The following GNG2 variants were observed in gnomAD, a reference collection of about 807,000 sequenced individuals.
GNG2 encodes the protein G protein subunit gamma 2, also known as guanine nucleotide-binding protein G(I)/G(S)/G(O) subunit gamma-2.
GNG2 carries 5 observed loss-of-function variants against 5.5 expected under a neutral mutation model. The observed-to-expected ratio is 0.91, with a 90% CI of 0.48 to 1.92. The LOEUF (loss-of-function observed/expected upper bound fraction) is 1.92, where lower values mean the gene tolerates loss of function less well. Among genes scored for constraint, GNG2 ranks in the 30% most tolerant of loss-of-function variants. The probability of loss-of-function intolerance (pLI) is 0.01; values close to 1 mark genes in which losing one functional copy is unlikely to be tolerated. For missense variants in GNG2, 55 were observed against 88.4 expected (o/e 0.62, Z 1.52); for synonymous variants, 28 against 32.0 (o/e 0.88, Z 0.42).
intron 2 of GNG2, among the ~76,000 whole-genome samples, chr14:51,904,036 AG>A (rs1273191823): frequency 1.1e-4 from 16 of 152,154 alleles, no homozygotes; most frequent in African/African-American, 3.9e-4. Context: ...ATCTCAGGAG[AG>A]CTAGAGAATC....
In GNG2 at chr14:51,969,688, AAG is replaced by A. The variant is rs1890112007; in HGVS notation, c.*3007_*3008del. The A allele has an allele frequency of 6.6e-6, 1 of 152,196 alleles. No homozygotes were observed. Among genetic ancestry groups the A allele is most frequent in the Non-Finnish European group, 1.5e-5 (1 of 68,036 alleles). The allele number at this position is 152,196 out of a possible 1,614,324, so 9.4% of individuals were successfully genotyped here. On this transcript the variant is annotated 3_prime_UTR_variant, in exon 4 of 4. Transcript: ENST00000556766. ...TAAGATCTGTGGAGTGTGTGTTTCAAAGAGAGAACTACAGAAATGTTAAAGCA... is the reference window on the plus strand; with the variant it reads ...TAAGATCTGTGGAGTGTGTGTTTCAAAGAGAACTACAGAAATGTTAAAGCA...
chr14:51,877,550 C>T, intron 1 of GNG2, 67 bp from the exon 2 acceptor site: 1 of 450,132 alleles, frequency 2.2e-6, no homozygotes, highest in Non-Finnish European at 4.5e-6. Flanking sequence ...TTCTACTTAT[C>T]CAGCTCTTGT....
At chr14:51,843,813 A>C (rs1400395268) in intron 2 of GNG2, among the ~76,000 whole-genome samples, 1 of 151,832 alleles carries the variant, frequency 6.6e-6, no homozygotes, top group Non-Finnish European at 1.5e-5. Context: ...AGTCCACCCC[A>C]CCCACACAGC....
intron 1 of GNG2, chr14:51,826,282 T>C (rs1019761135): frequency 6.6e-6 from 1 of 152,130 alleles, no homozygotes; most frequent in Non-Finnish European, 1.5e-5. Context: ...CAAAAATATA[T>C]ATTAAATAAA....
At chr14:51,926,560 T>C (rs1254564026) in intron 2 of GNG2, among the ~76,000 whole-genome samples, 2 of 152,150 alleles carry the variant, frequency 1.3e-5, no homozygotes, top group Non-Finnish European at 2.9e-5. Context: ...TGCCTTCTCA[T>C]GTTGAGACAG....
intron 3 of GNG2, among the ~76,000 whole-genome samples, chr14:51,951,006 G>A (rs1195092401): frequency 6.6e-6 from 1 of 152,026 alleles, no homozygotes; most frequent in Non-Finnish European, 1.5e-5. Context: ...AGCAAAACAG[G>A]CTCATGGTTA....
chr14:51,889,708 A>G (rs1884718956), intron 2 of GNG2, among the ~76,000 whole-genome samples: 1 of 152,228 alleles, frequency 6.6e-6, no homozygotes, highest in South Asian at 2.1e-4. Context: ...GTTGAGCACA[A>G]TGTAGAACTT....
intron 2 of GNG2, among the ~76,000 whole-genome samples, chr14:51,935,925 T>G (rs1279357643): frequency 6.6e-6 from 1 of 152,180 alleles, no homozygotes; most frequent in Non-Finnish European, 1.5e-5. Flanking sequence ...ATCAGAGTCA[T>G]GGTTCAGTGG....
intron 2 of GNG2, among the ~76,000 whole-genome samples, chr14:51,895,262 A>G (rs1044556623): frequency 1.3e-5 from 2 of 152,370 alleles, no homozygotes. Flanking sequence ...ATAAACATGT[A>G]TAAATAATGC....
intron 3 of GNG2, among the ~76,000 whole-genome samples, chr14:51,953,095 ACTTAC>A (rs2140289272): frequency 6.6e-6 from 1 of 152,284 alleles, no homozygotes; most frequent in African/African-American, 2.4e-5. Context: ...TTGCTGCTTT[ACTTAC>A]CTTACTTTAC....
intron 2 of GNG2, among the ~76,000 whole-genome samples, chr14:51,897,535 G>A (rs1885277834): frequency 6.6e-6 from 1 of 151,916 alleles, no homozygotes; most frequent in Non-Finnish European, 1.5e-5. Context: ...TATTCTAGCA[G>A]TAACTTCAAA....
intron 2 of GNG2, chr14:51,913,114 A>C (rs1454318101): frequency 6.6e-6 from 1 of 152,194 alleles, no homozygotes. Flanking sequence ...GACCATTGTT[A>C]ACTCTAGGTG....
intron 2 of GNG2, among the ~76,000 whole-genome samples, chr14:51,851,665 C>G (rs999222805): frequency 1.3e-5 from 2 of 152,208 alleles, no homozygotes; most frequent in African/African-American, 4.8e-5. Flanking sequence ...TTTCCTTAGA[C>G]AGTTATTCCA....
At chr14:51,947,130 C>A (rs989372341) in intron 2 of GNG2, among the ~76,000 whole-genome samples, 5 of 152,140 alleles carry the variant, frequency 3.3e-5, no homozygotes, top group Non-Finnish European at 7.4e-5. Flanking sequence ...TAGACTACTG[C>A]CCCATGCCTC....
At chr14:51,920,013 C>T (rs1335840116) in intron 2 of GNG2, among the ~76,000 whole-genome samples, 2 of 152,120 alleles carry the variant, frequency 1.3e-5, no homozygotes, top group Non-Finnish European at 2.9e-5. Context: ...ATTCTAGGAA[C>T]CCCCTTGGAG....
intron 2 of GNG2, among the ~76,000 whole-genome samples, chr14:51,829,575 AC>A (rs1881125471): frequency 6.6e-6 from 1 of 151,638 alleles, no homozygotes; most frequent in Admixed American, 6.6e-5. Flanking sequence ...ATAAATAAAA[AC>A]CCTATCTTGA....
chr14:51,836,271 C>A (rs536691859), intron 2 of GNG2, among the ~76,000 whole-genome samples: 1 of 151,932 alleles, frequency 6.6e-6, no homozygotes, highest in African/African-American at 2.4e-5. Flanking sequence ...TAGGCTTCAA[C>A]ATATGAATTA....
chr14:51,833,100 C>A (rs964041932), intron 2 of GNG2, among the ~76,000 whole-genome samples: 25 of 151,972 alleles, frequency 1.6e-4, no homozygotes, highest in African/African-American at 6.0e-4. Context: ...GAAGCTTATA[C>A]AATTTGTCAG....
At chr14:51,928,029 T>C (rs869042474) in intron 2 of GNG2, among the ~76,000 whole-genome samples, 92 of 45,208 alleles carry the variant, frequency 2.0e-3, no homozygotes, top group Middle Eastern at 8.9e-3. Context: ...TCTCTCTCTT[T>C]TTTTTTTTTT....
Sources: gnomAD v4.1 joint callset for allele counts (sites outside exome capture counted in the v4.1 genomes callset) on GRCh38, gnomAD v4.1.1 for gene constraint, MANE v1.5 for transcripts, NCBI Gene and HGNC (gene_info 2026-07-23, HGNC 2026-07-21) for gene names.